Variants in KCNQ5 observed in about 807,000 individuals in gnomAD.
KCNQ5 encodes potassium voltage-gated channel subfamily Q member 5, also known as potassium voltage-gated channel subfamily KQT member 5.
A neutral mutation model predicts 98.2 loss-of-function variants in KCNQ5; 30 were observed. The observed-to-expected ratio is 0.31, with a 90% confidence interval of 0.23 to 0.41. The LOEUF is 0.41. Among genes scored for constraint, KCNQ5 ranks in the 10% least tolerant of loss-of-function variants. The probability of loss-of-function intolerance (pLI) is 1.00; values close to 1 mark genes in which losing one functional copy is unlikely to be tolerated. For missense variants in KCNQ5, 835 were observed against 1,182.5 expected (o/e 0.71, Z 4.31); for synonymous variants, 458 against 449.4 (o/e 1.02, Z -0.24).
intron 1 of KCNQ5, among the ~76,000 whole-genome samples, chr6:72,793,340 A>G (rs1477043979): frequency 6.6e-6 from 1 of 152,202 alleles, no homozygotes; most frequent in Non-Finnish European, 1.5e-5. Context: ...CACACCATTG[A>G]TGGCAGCACA....
chr6:72,665,528 T>A (rs1226053529), intron 1 of KCNQ5, among the ~76,000 whole-genome samples: 1 of 152,136 alleles, frequency 6.6e-6, no homozygotes, highest in African/African-American at 2.4e-5. Flanking sequence ...TCTAACTAGT[T>A]CTGTATGGAT....
intron 3 of KCNQ5, among the ~76,000 whole-genome samples, chr6:73,060,530 C>A (rs1772730593): frequency 6.6e-6 from 1 of 151,894 alleles, no homozygotes; most frequent in African/African-American, 2.4e-5. Context: ...ACTAAAAATA[C>A]AAAAGTCATA....
intron 10 of KCNQ5, among the ~76,000 whole-genome samples, chr6:73,144,598 A>C (rs1347589630): frequency 6.6e-6 from 1 of 152,156 alleles, no homozygotes; most frequent in African/African-American, 2.4e-5. Flanking sequence ...TCTTCATGTT[A>C]TCTGTTGCAT....
intron 8 of KCNQ5, among the ~76,000 whole-genome samples, chr6:73,122,351 A>G (rs529703300): frequency 1.6e-4 from 24 of 152,318 alleles, no homozygotes; most frequent in African/African-American, 5.3e-4. Flanking sequence ...AAAAGCCTGG[A>G]AAAACTGTTT....
intron 1 of KCNQ5, among the ~76,000 whole-genome samples, chr6:72,838,778 G>A (rs1391240115): frequency 1.3e-5 from 2 of 150,874 alleles, no homozygotes; most frequent in Admixed American, 6.6e-5. Context: ...GTGAAACCCC[G>A]TCTCTACTAA....
intron 3 of KCNQ5, among the ~76,000 whole-genome samples, chr6:73,069,628 A>G (rs1209508997): frequency 6.6e-6 from 1 of 152,132 alleles, no homozygotes; most frequent in Non-Finnish European, 1.5e-5. Flanking sequence ...AATAAGTGTT[A>G]TGACAGGAGC....
intron 12 of KCNQ5, among the ~76,000 whole-genome samples, chr6:73,191,353 C>T (rs115214385): frequency 0.016 from 2,492 of 152,138 alleles, 59 homozygotes; most frequent in African/African-American, 0.057. Flanking sequence ...ATGTCCTGTA[C>T]GGTTCTACAA....
intron 5 of KCNQ5, among the ~76,000 whole-genome samples, chr6:73,090,798 C>T (rs1582336078): frequency 6.6e-6 from 1 of 152,112 alleles, no homozygotes. Flanking sequence ...GTTAGAATGG[C>T]GATCATTAAA....
At chr6:72,633,258 G>A (rs1447763571) in intron 1 of KCNQ5, among the ~76,000 whole-genome samples, 1 of 152,000 alleles carries the variant, frequency 6.6e-6, no homozygotes, top group East Asian at 1.9e-4. Flanking sequence ...CATGTTCTTT[G>A]CCCACTTTTT....
At chr6:73,193,807 G>A (rs912366474) in intron 13 of KCNQ5, among the ~76,000 whole-genome samples, 2 of 150,868 alleles carry the variant, frequency 1.3e-5, no homozygotes, top group African/African-American at 4.9e-5. Flanking sequence ...AGGAGACTTA[G>A]GAAAGACAAT....
At chr6:72,855,351 C>T (rs1777484811) in intron 1 of KCNQ5, among the ~76,000 whole-genome samples, 1 of 150,844 alleles carries the variant, frequency 6.6e-6, no homozygotes. Context: ...CATTATTTTA[C>T]TAAAATGCTA....
chr6:72,944,479 A>G (rs1477498085), intron 1 of KCNQ5, among the ~76,000 whole-genome samples: 2 of 152,244 alleles, frequency 1.3e-5, no homozygotes, highest in Non-Finnish European at 2.9e-5. Flanking sequence ...GGCATTCAGC[A>G]GAGAACAAGA....
chr6:73,076,609 A>G (rs553500806), intron 3 of KCNQ5, among the ~76,000 whole-genome samples: 12 of 152,288 alleles, frequency 7.9e-5, no homozygotes, highest in African/African-American at 2.9e-4. Flanking sequence ...TTCCCTTGCA[A>G]TGCACAGTGT....
At chr6:72,704,735 A>G (rs984950671) in intron 1 of KCNQ5, among the ~76,000 whole-genome samples, 1 of 152,070 alleles carries the variant, frequency 6.6e-6, no homozygotes, top group Non-Finnish European at 1.5e-5. Flanking sequence ...ATCTTTATGT[A>G]TCTTAATCCT....
At chr6:72,645,899 T>G (rs1436619917) in intron 1 of KCNQ5, among the ~76,000 whole-genome samples, 1 of 152,190 alleles carries the variant, frequency 6.6e-6, no homozygotes, top group East Asian at 1.9e-4. Context: ...GAAGAGAATG[T>G]AACTACTTAC....
chr6:72,673,900 T>C (rs1767266786), intron 1 of KCNQ5, among the ~76,000 whole-genome samples: 1 of 152,314 alleles, frequency 6.6e-6, no homozygotes, highest in East Asian at 1.9e-4. Context: ...CAGATTAAAT[T>C]GAACCAAATG....
intron 1 of KCNQ5, among the ~76,000 whole-genome samples, chr6:72,750,567 T>C (rs1771624166): frequency 6.6e-6 from 1 of 152,046 alleles, no homozygotes; most frequent in Non-Finnish European, 1.5e-5. Flanking sequence ...ATTTTTCACA[T>C]GGCCACTGTA....
chr6:72,910,063 C>G (rs1176031703), intron 1 of KCNQ5, among the ~76,000 whole-genome samples: 3 of 152,140 alleles, frequency 2.0e-5, no homozygotes, highest in African/African-American at 7.2e-5. Flanking sequence ...ATCCCTTTAT[C>G]AAATGCAACT....
rs1773579572 is a variant in KCNQ5 at position 73,077,314 on chromosome 6, TC to T, written c.617-7del. The T allele has an allele frequency of 6.2e-7, 1 of 1,612,394 alleles. No individual in the cohort carries two copies. The highest frequency in any genetic ancestry group is 1.1e-5 in the South Asian group (1 of 90,478). Reference sequence around the variant, plus strand: ...CTAACTGTGGCTATTTCGACCTGTTTCTTTCAGATACCATTGTTCTTATCGC... The same window carrying T: ...CTAACTGTGGCTATTTCGACCTGTTTTTTCAGATACCATTGTTCTTATCGC... On this transcript the variant is annotated splice_polypyrimidine_tract_variant and splice_region_variant and intron_variant, in intron 3 of 13. Coordinates refer to ENST00000370398, the MANE Select transcript of KCNQ5 (RefSeq NM_019842.4).
Sources: gnomAD v4.1 joint callset for allele counts (sites outside exome capture counted in the v4.1 genomes callset) on GRCh38, gnomAD v4.1.1 for gene constraint, MANE v1.5 for transcripts, NCBI Gene and HGNC (gene_info 2026-07-23, HGNC 2026-07-21) for gene names.